The following NDST3 variants were observed in gnomAD, a reference collection of about 807,000 sequenced individuals.
NDST3 encodes the protein N-deacetylase and N-sulfotransferase 3.
NDST3 carries 58 observed loss-of-function variants against 96.1 expected under a neutral mutation model. That is an observed-to-expected ratio of 0.60 (90% CI 0.49 to 0.75). The LOEUF (loss-of-function observed/expected upper bound fraction) is 0.75. Ranked by LOEUF, NDST3 falls within the 30% of genes least tolerant of loss-of-function variation. The pLI, the probability that NDST3 is intolerant of heterozygous loss-of-function variation, is 0.00. For synonymous variants in NDST3, 333 were observed against 359.7 expected (o/e 0.93, Z 0.84); for missense variants, 788 against 1,034.2 (o/e 0.76, Z 3.27).
At chr4:118,203,537 G>C (rs553354746) in intron 6 of NDST3, among the ~76,000 whole-genome samples, 1 of 152,102 alleles carries the variant, frequency 6.6e-6, no homozygotes, top group Non-Finnish European at 1.5e-5. Flanking sequence ...TTCAGTCTTG[G>C]AAGATTGTGT....
At position 118,224,602 on chromosome 4, in the gene NDST3, A is replaced by T. The variant is rs1021432472; in HGVS notation, c.1651A>T (p.Thr551Ser). ...GAGCTGGACCAACCTGCGACTTCAG[A>T]CTCTGCCTCCAGTACAACTGGCCCA... ...VKSWTNLRLQTLPPVQLAHKY... is the reference protein window; with the variant it reads ...VKSWTNLRLQSLPPVQLAHKY... Residue 551 changes from threonine (T) to serine (S), a missense_variant, in exon 7 of 14, where the codon ACT becomes TCT. Physicochemically the swap from Thr to Ser is moderately conservative, Grantham distance 58. Around this residue, in one of 3 missense-constraint regions of NDST3, gnomAD observed 490 missense variants for 708.8 expected, o/e 0.69. Transcript: ENST00000296499. The T allele has an allele frequency of 2.5e-6, 4 of 1,612,648 alleles. No individual in the cohort carries two copies. The African/African-American group carries it at 5.3e-5, about 22-fold the overall frequency.
At chr4:118,143,513 G>A (rs3749506) in intron 5 of NDST3, 43 bp from the exon 6 acceptor site, 1,013,494 of 1,251,932 alleles carry the variant, frequency 0.81, 399,841 homozygotes, top group Non-Finnish European at 0.84. Flanking sequence ...AAATTGATTG[G>A]AAAAAAAAAA....
intron 2 of NDST3, among the ~76,000 whole-genome samples, chr4:118,070,720 C>T (rs2125800633): frequency 6.7e-6 from 1 of 149,892 alleles, no homozygotes; most frequent in Admixed American, 6.7e-5. Context: ...CATATGTATA[C>T]ATGTGCCATG....
At chr4:118,222,685 A>G (rs1739631610) in intron 6 of NDST3, among the ~76,000 whole-genome samples, 1 of 152,068 alleles carries the variant, frequency 6.6e-6, no homozygotes, top group Non-Finnish European at 1.5e-5. Flanking sequence ...CCTTATAAGT[A>G]TCACCTTAAT....
At chr4:118,185,684 GT>G (rs1215100971) in intron 6 of NDST3, among the ~76,000 whole-genome samples, 1 of 152,166 alleles carries the variant, frequency 6.6e-6, no homozygotes, top group African/African-American at 2.4e-5. Context: ...GAACATGGAA[GT>G]GGGGTACAGA....
intron 2 of NDST3, among the ~76,000 whole-genome samples, chr4:118,103,848 A>C (rs1267066828): frequency 6.6e-6 from 1 of 152,212 alleles, no homozygotes; most frequent in African/African-American, 2.4e-5. Context: ...AGTGATACCA[A>C]AAGAATTAGA....
At chr4:118,186,359 A>G (rs931385404) in intron 6 of NDST3, among the ~76,000 whole-genome samples, 2 of 152,156 alleles carry the variant, frequency 1.3e-5, no homozygotes, top group Non-Finnish European at 2.9e-5. Flanking sequence ...GATGCATATA[A>G]AAAGGGAAGT....
At chr4:118,055,035 A>C in intron 2 of NDST3, 144 bp downstream of exon 2, 1 of 942,984 alleles carries the variant, frequency 1.1e-6, no homozygotes. Flanking sequence ...CGCTCACCCT[A>C]AATCAACTAA....
chr4:118,141,041 G>C (rs967032294), intron 5 of NDST3, among the ~76,000 whole-genome samples: 85 of 152,094 alleles, frequency 5.6e-4, no homozygotes, highest in Non-Finnish European at 8.8e-5. Context: ...GGTCTTTATT[G>C]GTATCTCCCC....
chr4:118,142,157 A>G (rs1414901542), intron 5 of NDST3, among the ~76,000 whole-genome samples: 1 of 152,050 alleles, frequency 6.6e-6, no homozygotes, highest in Non-Finnish European at 1.5e-5. Flanking sequence ...AGATAGGATC[A>G]TGAGGATGCA....
At chr4:118,193,770 C>T (rs1455048047) in intron 6 of NDST3, 5 of 1,486,452 alleles carry the variant, frequency 3.4e-6, no homozygotes, top group Non-Finnish European at 4.6e-6. Flanking sequence ...CTTTCAGTGG[C>T]AGCAGAGAAG....
At chr4:118,253,301 C>A (rs1204992295) in intron 12 of NDST3, among the ~76,000 whole-genome samples, 198 bp from the exon 13 acceptor site, 2 of 152,086 alleles carry the variant, frequency 1.3e-5, no homozygotes, top group African/African-American at 4.8e-5. Flanking sequence ...CAGATGAACT[C>A]AGAATTTAGA....
intron 13 of NDST3, among the ~76,000 whole-genome samples, chr4:118,255,068 A>T (rs1257373411): frequency 6.6e-6 from 1 of 152,208 alleles, no homozygotes; most frequent in East Asian, 1.9e-4. Flanking sequence ...TTTATGTCAA[A>T]GCTATTTCCC....
At chr4:118,178,087 T>C (rs113154869) in intron 6 of NDST3, among the ~76,000 whole-genome samples, 7 of 151,908 alleles carry the variant, frequency 4.6e-5, no homozygotes, top group African/African-American at 2.4e-5. Flanking sequence ...AAAAAAAGCA[T>C]AAGTCCTTTT....
intron 7 of NDST3, among the ~76,000 whole-genome samples, chr4:118,225,613 G>C (rs1739824349): frequency 1.3e-5 from 2 of 152,160 alleles, no homozygotes; most frequent in Admixed American, 1.3e-4. Context: ...AACGCTACTA[G>C]AGTTACAGAC....
intron 6 of NDST3, among the ~76,000 whole-genome samples, chr4:118,180,691 T>C (rs138875605): frequency 8.5e-5 from 13 of 152,280 alleles, no homozygotes; most frequent in African/African-American, 2.9e-4. Context: ...ATGTAGTGCA[T>C]CTACAGTGTA....
intron 2 of NDST3, among the ~76,000 whole-genome samples, chr4:118,084,449 G>A (rs373664616): frequency 7.2e-5 from 11 of 152,134 alleles, no homozygotes; most frequent in African/African-American, 2.7e-4. Flanking sequence ...TGGATCCATA[G>A]GCTCAGTCAA....
At chr4:118,122,958 G>A (rs1315658488) in intron 4 of NDST3, among the ~76,000 whole-genome samples, 1 of 152,124 alleles carries the variant, frequency 6.6e-6, no homozygotes, top group African/African-American at 2.4e-5. Context: ...TAATTCCAAA[G>A]CCCATGTAAC....
At chr4:118,117,330 C>A (rs1731210149) in intron 4 of NDST3, among the ~76,000 whole-genome samples, 1 of 151,958 alleles carries the variant, frequency 6.6e-6, no homozygotes. Flanking sequence ...ATCATTATAT[C>A]TAGTATCACA....
Sources: allele counts gnomAD v4.1 joint callset (sites outside exome capture counted in the v4.1 genomes callset), GRCh38; gene constraint gnomAD v4.1.1; regional missense constraint gnomAD v4.1.1; transcripts MANE v1.5; gene names NCBI Gene and HGNC (gene_info 2026-07-23, HGNC 2026-07-21).